IL1RAPL1: variants seen among roughly 807,000 people sequenced by gnomAD.
The protein encoded by IL1RAPL1 is interleukin 1 receptor accessory protein like 1.
In IL1RAPL1, 3 loss-of-function variants were observed where a neutral mutation model predicts 48.4. The ratio of observed to expected loss-of-function variants is 0.06; its 90% CI spans 0.03 to 0.16. IL1RAPL1 has a LOEUF of 0.16. Among genes scored for constraint, IL1RAPL1 ranks in the 10% least tolerant of loss-of-function variants. IL1RAPL1 has a pLI of 1.00. For missense variants in IL1RAPL1, 349 were observed against 530.6 expected, an observed-to-expected ratio of 0.66 and a Z score of 3.36; for synonymous variants, 185 against 187.7, an observed-to-expected ratio of 0.99 and a Z score of 0.12.
chrX:29,265,455 CTT>C (rs1198492185), intron 2 of IL1RAPL1, among the ~76,000 whole-genome samples: 2 of 107,663 alleles, frequency 1.9e-5, no homozygotes, highest in African/African-American at 3.4e-5. Context: ...ATCATGGAAT[CTT>C]TTTTTTTATT....
intron 5 of IL1RAPL1, among the ~76,000 whole-genome samples, chrX:29,601,288 G>T (rs2147062142): frequency 8.9e-6 from 1 of 112,269 alleles, no homozygotes; most frequent in African/African-American, 3.2e-5. Flanking sequence ...TCAACTTAAA[G>T]AAATTTTCCA....
intron 2 of IL1RAPL1, among the ~76,000 whole-genome samples, chrX:28,921,933 G>A (rs1923625092): frequency 9.0e-6 from 1 of 111,547 alleles, no homozygotes; most frequent in African/African-American, 3.3e-5. Flanking sequence ...GAGTGAACAG[G>A]CCTTGTACTT....
intron 3 of IL1RAPL1, among the ~76,000 whole-genome samples, chrX:29,340,505 C>T (rs1439616931): frequency 8.9e-6 from 1 of 111,951 alleles, no homozygotes; most frequent in Non-Finnish European, 1.9e-5. Flanking sequence ...CGCATTCTGT[C>T]GTGTATCAAC....
At chrX:29,586,281 A>C (rs1035406425) in intron 5 of IL1RAPL1, among the ~76,000 whole-genome samples, 1 of 111,637 alleles carries the variant, frequency 9.0e-6, no homozygotes, top group East Asian at 2.8e-4. Context: ...TAGTTTCCCC[A>C]ATATCATTTG....
At chrX:28,836,366 CAG>C (rs764336117) in intron 2 of IL1RAPL1, among the ~76,000 whole-genome samples, 1,475 of 91,604 alleles carry the variant, frequency 0.016, 76 homozygotes, top group African/African-American at 0.058. Flanking sequence ...ATATATATGA[CAG>C]AGAGAGAGAG....
intron 5 of IL1RAPL1, among the ~76,000 whole-genome samples, chrX:29,519,820 A>G (rs1334365890): frequency 9.0e-6 from 1 of 111,716 alleles, no homozygotes; most frequent in Non-Finnish European, 1.9e-5. Context: ...ATTCCAAGGC[A>G]TAGCCTAAAT....
At chrX:28,908,325 T>G (rs1327934329) in intron 2 of IL1RAPL1, among the ~76,000 whole-genome samples, 1 of 111,647 alleles carries the variant, frequency 9.0e-6, no homozygotes, top group Non-Finnish European at 1.9e-5. Context: ...TTGCAGTACA[T>G]GTACCTAATA....
chrX:29,955,891 C>A lies in IL1RAPL1; in HGVS notation c.*71C>A. ...TGCAGTCCAGTGCCTGGAACTAAAT[C>A]CTCGACTGCTGCTGTTAAAAAACAT... On this transcript the variant is annotated 3_prime_UTR_variant, in exon 11 of 11. Coordinates refer to ENST00000378993, the MANE Select transcript of IL1RAPL1 (RefSeq NM_014271.4). 1.3e-6 allele frequency: 1 copy of A among 788,565 alleles called. No individual in the cohort carries two copies. Among genetic ancestry groups the A allele is most frequent in the Non-Finnish European group, 1.9e-6 (1 of 513,622 alleles). 65.0% of individuals were successfully genotyped at this position (788,565 alleles called of 1,213,427 possible).
Position 29,910,231 on chromosome X carries a change from G to C in IL1RAPL1, c.779-7233G>C, listed in dbSNP as rs142121228. Among the ~76,000 whole-genome samples, 23 of 110,581 alleles carry C rather than the reference G, an allele frequency of 2.1e-4. No homozygotes were observed. In the East Asian group the frequency reaches 4.0e-3, roughly 19 times the overall value. Reference sequence around the variant, plus strand: ...AATACAGGTATACTTGAGGGTGGAGGGTAGAGGGTGAGAGGAGGCTGAGAA... The same window carrying C: ...AATACAGGTATACTTGAGGGTGGAGCGTAGAGGGTGAGAGGAGGCTGAGAA... On this transcript the variant is annotated intron_variant, in intron 6 of 10. Transcript: ENST00000378993.
intron 2 of IL1RAPL1, among the ~76,000 whole-genome samples, chrX:29,030,618 C>T (rs376657690): frequency 9.0e-6 from 1 of 111,260 alleles, no homozygotes; most frequent in East Asian, 2.8e-4. Flanking sequence ...ATTGACATTT[C>T]GAATTTTGAA....
At chrX:29,673,510 C>T (rs946262359) in intron 6 of IL1RAPL1, among the ~76,000 whole-genome samples, 18 of 111,301 alleles carry the variant, frequency 1.6e-4, no homozygotes, top group Non-Finnish European at 3.2e-4. Context: ...TTTTCACCAA[C>T]AAACTCAAAT....
chrX:29,440,224 A>G (rs999544535), intron 5 of IL1RAPL1, among the ~76,000 whole-genome samples: 4 of 110,653 alleles, frequency 3.6e-5, no homozygotes, highest in Non-Finnish European at 7.6e-5. Context: ...ATAAGAGAAA[A>G]AAAGAACCCT....
intron 2 of IL1RAPL1, among the ~76,000 whole-genome samples, chrX:29,018,189 C>T (rs1926284622): frequency 8.9e-6 from 1 of 112,044 alleles, no homozygotes; most frequent in Admixed American, 9.5e-5. Context: ...CTCTTTTGCT[C>T]TAGCAATTGA....
intron 2 of IL1RAPL1, among the ~76,000 whole-genome samples, chrX:29,001,818 A>T (rs764858949): frequency 1.8e-5 from 2 of 110,938 alleles, no homozygotes; most frequent in Non-Finnish European, 3.8e-5. Context: ...TATTCTTCAT[A>T]TTACCAAACT....
At chrX:29,525,037 C>T (rs990315421) in intron 5 of IL1RAPL1, among the ~76,000 whole-genome samples, 1 of 112,187 alleles carries the variant, frequency 8.9e-6, no homozygotes, top group Non-Finnish European at 1.9e-5. Context: ...AAAACAAACA[C>T]ACTAAGTAGA....
At chrX:29,280,193 A>C (rs1040973196) in intron 2 of IL1RAPL1, among the ~76,000 whole-genome samples, 1 of 112,055 alleles carries the variant, frequency 8.9e-6, no homozygotes, top group African/African-American at 3.2e-5. Context: ...TGTTTTGATA[A>C]ATATTATATG....
chrX:29,099,162 A>G, intron 2 of IL1RAPL1, among the ~76,000 whole-genome samples: 1 of 111,627 alleles, frequency 9.0e-6, no homozygotes, highest in East Asian at 2.8e-4. Context: ...CAAACAAAAC[A>G]AAACAAAACA....
chrX:29,614,439 G>C (rs781174083), intron 5 of IL1RAPL1, among the ~76,000 whole-genome samples: 1 of 112,387 alleles, frequency 8.9e-6, no homozygotes, highest in South Asian at 3.7e-4. Flanking sequence ...CTGTTTTATA[G>C]TATTTAGTGC....
chrX:29,448,056 G>T (rs751663550), intron 5 of IL1RAPL1, among the ~76,000 whole-genome samples: 1 of 112,147 alleles, frequency 8.9e-6, no homozygotes, highest in Non-Finnish European at 1.9e-5. Context: ...TTGAAGCCAA[G>T]ATTCCCTGAA....
Sources: allele counts gnomAD v4.1 joint callset (sites outside exome capture counted in the v4.1 genomes callset), GRCh38; gene constraint gnomAD v4.1.1; transcripts MANE v1.5; gene names NCBI Gene and HGNC (gene_info 2026-07-23, HGNC 2026-07-21).